Variants in ATP10B observed in about 807,000 individuals in gnomAD.
ATP10B encodes the protein ATPase phospholipid transporting 10B (putative), also known as phospholipid-transporting ATPase VB.
A neutral mutation model predicts 141.2 loss-of-function variants in ATP10B; 122 were observed. That is an observed-to-expected ratio of 0.86 (90% confidence interval 0.75 to 1.00). The LOEUF is 1.00. ATP10B is among the 50% of genes least tolerant of loss of function. ATP10B has a pLI of 0.00. For synonymous variants in ATP10B, 685 were observed against 692.0 expected (o/e 0.99, Z 0.16); for missense variants, 1,876 against 1,825.3 (o/e 1.03, Z -0.51).
chr5:160,927,648 A>G, the ATP10B span, among the ~76,000 whole-genome samples: 39 of 152,326 alleles, frequency 2.6e-4, no homozygotes, highest in Admixed American at 2.4e-3. Flanking sequence ...TCGATTACTC[A>G]TTGACTCAGC....
rs1754429328 is a variant in ATP10B at position 160,564,654 on chromosome 5, G to A, written c.*799C>T. The A allele has an allele frequency of 6.6e-6, 1 of 152,114 alleles. No homozygotes were observed. Among genetic ancestry groups the A allele is most frequent in the Non-Finnish European group, 1.5e-5 (1 of 68,018 alleles). 9.4% of individuals were successfully genotyped at this position (152,114 alleles called of 1,614,324 possible). A position where few individuals can be genotyped will look rare whatever the true frequency, so the allele number is the denominator to read the frequency against. ...GGATGGGCAATTTTATTTAAAAATA[G>A]ATACAATAAATAGCTTTAAAAAAAG... On this transcript the variant is annotated 3_prime_UTR_variant, in exon 26 of 26. Coordinates refer to ENST00000327245, the MANE Select transcript of ATP10B (RefSeq NM_025153.3).
chr5:160,829,008 G>A (rs938549205), intron 1 of ATP10B, among the ~76,000 whole-genome samples: 4 of 133,470 alleles, frequency 3.0e-5, no homozygotes, highest in Non-Finnish European at 4.7e-5. Flanking sequence ...ATTGAACAAT[G>A]AGAACACATG....
the ATP10B span, among the ~76,000 whole-genome samples, chr5:160,866,784 A>T: frequency 6.6e-6 from 1 of 152,114 alleles, no homozygotes; most frequent in Non-Finnish European, 1.5e-5. Context: ...TATTGGGTAC[A>T]GTATACACTG....
Position 160,670,626 on chromosome 5 carries a change from C to G in ATP10B, c.512G>C (p.Arg171Pro). ...TTTCATTTGGATGAAGTCTCCCACG[C>G]GCACATCCTTCCAGCACTTCTGCAC... is the stretch of plus-strand genomic sequence containing the variant. ...TYVQKCWKDV[R>P]VGDFIQMKCN... is the part of the protein sequence containing the mutation. The change falls in exon 7 of 26, where the codon CGC becomes CCC. Residue 171 changes from arginine (R) to proline (P), a missense_variant. Physicochemically the swap from Arg to Pro is moderately radical, Grantham distance 103. Transcript: ENST00000327245. 6.2e-7 allele frequency: 1 copy of G among 1,613,782 alleles called. No homozygotes were observed. The highest frequency in any genetic ancestry group is 8.5e-7 in the Non-Finnish European group (1 of 1,179,814).
chr5:160,919,498 A>C, the ATP10B span, among the ~76,000 whole-genome samples: 1 of 152,186 alleles, frequency 6.6e-6, no homozygotes, highest in Non-Finnish European at 1.5e-5. Context: ...GCTAGCAGCC[A>C]ACCTTTGTAG....
chr5:160,787,200 A>C (rs1448107187), intron 1 of ATP10B, among the ~76,000 whole-genome samples: 1 of 151,972 alleles, frequency 6.6e-6, no homozygotes, highest in Non-Finnish European at 1.5e-5. Context: ...AAAAGGGTAG[A>C]TTTCAAGATT....
At chr5:160,791,239 GA>G (rs1771542856) in intron 1 of ATP10B, among the ~76,000 whole-genome samples, 1 of 152,140 alleles carries the variant, frequency 6.6e-6, no homozygotes, top group South Asian at 2.1e-4. Context: ...CTGACTTACA[GA>G]ACTGTAAGAT....
At position 160,620,952 on chromosome 5, in the gene ATP10B, T is replaced by C. The variant is rs779158908; in HGVS notation, c.1813-2A>G. ...CTTGCTTGAGGGTTTGATGGTGACC[T>C]TGTGGCCAAAGAAGGAAAGTGGAAT... On this transcript the variant is annotated splice_acceptor_variant, in intron 14 of 25. Coordinates refer to ENST00000327245, the MANE Select transcript of ATP10B (RefSeq NM_025153.3). LOFTEE classifies it high-confidence loss of function. 7 of 1,604,188 alleles carry C rather than the reference T, an allele frequency of 4.4e-6. No individual in the cohort carries two copies. The highest frequency in any genetic ancestry group is 1.1e-5 in the South Asian group (1 of 89,896).
chr5:160,716,836 G>A lies in ATP10B; in HGVS notation c.-205+73C>T, dbSNP rs561290840. 160 of 915,424 alleles carry A rather than the reference G, an allele frequency of 1.7e-4. No individual in the cohort carries two copies. In the African/African-American group the frequency reaches 2.7e-3, roughly 15 times the overall value. The allele number at this position is 915,424 out of a possible 1,614,324, so 56.7% of individuals were successfully genotyped here. A position where few individuals can be genotyped will look rare whatever the true frequency, so the allele number is the denominator to read the frequency against. On this transcript the variant is annotated intron_variant, in intron 3 of 25. Coordinates refer to ENST00000327245, the MANE Select transcript of ATP10B (RefSeq NM_025153.3). ...TGGTGTCATGAACCAAAGGACTATT[G>A]GAGCTACATCCACCTCAGTCATGTT...
chr5:160,627,994 C>A (rs1581223309), intron 13 of ATP10B, among the ~76,000 whole-genome samples: 1 of 152,162 alleles, frequency 6.6e-6, no homozygotes, highest in East Asian at 1.9e-4. Context: ...TGGGCTATGA[C>A]TATTATGGCA....
the ATP10B span, among the ~76,000 whole-genome samples, chr5:160,895,296 A>G: frequency 6.6e-6 from 1 of 152,178 alleles, no homozygotes; most frequent in Non-Finnish European, 1.5e-5. Flanking sequence ...AGCGTGCTGT[A>G]TTCAGGAGAC....
intron 7 of ATP10B, among the ~76,000 whole-genome samples, chr5:160,652,678 T>C (rs1306374049): frequency 7.6e-6 from 1 of 131,958 alleles, no homozygotes; most frequent in African/African-American, 2.9e-5. Context: ...TATACATATA[T>C]AAATACATAT....
chr5:160,699,712 G>C (rs1296730592), intron 3 of ATP10B, among the ~76,000 whole-genome samples: 2 of 152,074 alleles, frequency 1.3e-5, no homozygotes, highest in Non-Finnish European at 2.9e-5. Context: ...ATCAGCATTT[G>C]GGGTAAAAGG....
chr5:160,791,719 G>C (rs967567196), intron 1 of ATP10B, among the ~76,000 whole-genome samples: 14 of 152,144 alleles, frequency 9.2e-5, no homozygotes, highest in African/African-American at 3.4e-4. Flanking sequence ...TATGATACTT[G>C]CACTTCTACC....
intron 5 of ATP10B, 73 bp from the exon 6 acceptor site, chr5:160,686,346 A>G (rs908894402): frequency 4.1e-6 from 5 of 1,205,670 alleles, no homozygotes; most frequent in East Asian, 5.2e-5. Context: ...TTTCTTCCCT[A>G]CTGTTTGGCC....
At chr5:160,848,447 G>C (rs573518394) in intron 1 of ATP10B, among the ~76,000 whole-genome samples, 1 of 152,310 alleles carries the variant, frequency 6.6e-6, no homozygotes, top group Admixed American at 6.5e-5. Flanking sequence ...TGAAATTAAA[G>C]CACTGATGTA....
At chr5:160,844,800 C>T (rs1776018582) in intron 1 of ATP10B, among the ~76,000 whole-genome samples, 1 of 152,100 alleles carries the variant, frequency 6.6e-6, no homozygotes, top group Non-Finnish European at 1.5e-5. Context: ...CCACCTTGGC[C>T]TCCCAAAGTG....
In ATP10B at chr5:160,742,369, A is replaced by G. The variant is rs190096154; in HGVS notation, c.-330-25335T>C. Among the ~76,000 whole-genome samples, 98 of 152,168 alleles carry G rather than the reference A, an allele frequency of 6.4e-4. 1 individual carries two copies. The highest frequency in any genetic ancestry group is 7.8e-4 in the Non-Finnish European group (53 of 67,992). ...TGCACAGAAGACACAGGAGTCCATA[A>G]TAAAAACTTAAATTTTTGCCACTTG... is the stretch of plus-strand genomic sequence containing the variant. On this transcript the variant is annotated intron_variant, in intron 2 of 25. Coordinates refer to ENST00000327245, the MANE Select transcript of ATP10B (RefSeq NM_025153.3).
intron 1 of ATP10B, among the ~76,000 whole-genome samples, chr5:160,846,651 G>A (rs529528983): frequency 1.4e-4 from 21 of 152,256 alleles, no homozygotes; most frequent in African/African-American, 5.1e-4. Flanking sequence ...CCAGCGCTTA[G>A]TAGGTACCAC....
Sources: allele counts gnomAD v4.1 joint callset (sites outside exome capture counted in the v4.1 genomes callset), GRCh38; gene constraint gnomAD v4.1.1; transcripts MANE v1.5; gene names NCBI Gene and HGNC (gene_info 2026-07-23, HGNC 2026-07-21).